The following CDH7 variants were observed in gnomAD, a reference collection of about 807,000 sequenced individuals.
CDH7 encodes the protein cadherin 7.
Under a neutral mutation model 71.8 loss-of-function variants are expected in CDH7, and 25 were observed. That is an observed-to-expected ratio of 0.35 (90% confidence interval 0.25 to 0.49). The LOEUF (loss-of-function observed/expected upper bound fraction) is 0.49. CDH7 is among the 20% of genes least tolerant of loss of function. The pLI is 0.99. For synonymous variants in CDH7, 381 were observed against 363.8 expected, an observed-to-expected ratio of 1.05 and a Z score of -0.54; for missense variants, 862 against 974.6, an observed-to-expected ratio of 0.88 and a Z score of 1.54.
chr18:65,885,791 T>A lies in CDH7; in HGVS notation c.*4897T>A, dbSNP rs764925415. ...TTGTTGTCACCTGCCAAGTGACTGTTAGGCAATAAGACTAGAAAATATGGT... is the reference window on the plus strand; with the variant it reads ...TTGTTGTCACCTGCCAAGTGACTGTAAGGCAATAAGACTAGAAAATATGGT... On this transcript the variant is annotated 3_prime_UTR_variant, in exon 12 of 12. Coordinates refer to ENST00000397968, the MANE Select transcript of CDH7 (RefSeq NM_004361.5). 6.6e-6 allele frequency: 1 copy of A among 152,208 alleles called. No homozygotes were observed. Among genetic ancestry groups the A allele is most frequent in the Non-Finnish European group, 1.5e-5 (1 of 68,028 alleles). The allele number at this position is 152,208 out of a possible 1,614,324, so 9.4% of individuals were successfully genotyped here. A position where few individuals can be genotyped will look rare whatever the true frequency, so the allele number is the denominator to read the frequency against.
chr18:65,848,949 T>G (rs1241982246), intron 7 of CDH7, among the ~76,000 whole-genome samples: 1 of 152,190 alleles, frequency 6.6e-6, no homozygotes, highest in African/African-American at 2.4e-5. Context: ...TTGGGGTGTT[T>G]GAATAATTCA....
intron 2 of CDH7, among the ~76,000 whole-genome samples, chr18:65,808,828 G>C (rs1911421004): frequency 6.6e-6 from 1 of 152,160 alleles, no homozygotes; most frequent in African/African-American, 2.4e-5. Context: ...CAGTTATAGG[G>C]GGTGAAAGAT....
chr18:65,798,267 T>A (rs1338627553), intron 2 of CDH7, among the ~76,000 whole-genome samples: 1 of 152,120 alleles, frequency 6.6e-6, no homozygotes, highest in Non-Finnish European at 1.5e-5. Context: ...AAGAAACGAG[T>A]GACACACTGC....
chr18:65,852,862 T>C (rs367891947), intron 7 of CDH7, among the ~76,000 whole-genome samples: 1 of 152,196 alleles, frequency 6.6e-6, no homozygotes, highest in South Asian at 2.1e-4. Flanking sequence ...AGGTAAACTA[T>C]ATTTTAAATA....
At chr18:65,816,558 A>G (rs1006950717) in intron 4 of CDH7, among the ~76,000 whole-genome samples, 8 of 152,174 alleles carry the variant, frequency 5.3e-5, no homozygotes, top group African/African-American at 1.9e-4. Context: ...AAATTGCATA[A>G]CCATAGGCAC....
intron 11 of CDH7, among the ~76,000 whole-genome samples, chr18:65,872,877 A>G (rs1030771485): frequency 6.6e-6 from 1 of 152,060 alleles, no homozygotes; most frequent in African/African-American, 2.4e-5. Flanking sequence ...AGAGTGAGAA[A>G]AATAAAATAA....
At chr18:65,854,058 A>G (rs1913259078) in intron 7 of CDH7, among the ~76,000 whole-genome samples, 1 of 150,398 alleles carries the variant, frequency 6.6e-6, no homozygotes, top group African/African-American at 2.4e-5. Flanking sequence ...TAATCCTAAC[A>G]CTTTGAGAGG....
intron 2 of CDH7, among the ~76,000 whole-genome samples, chr18:65,790,693 A>G (rs1910682521): frequency 6.6e-6 from 1 of 152,160 alleles, no homozygotes; most frequent in Admixed American, 6.5e-5. Context: ...ACATTGTGAA[A>G]TCCTGTCTTT....
rs1568182231 is a variant in CDH7, at chr18:65,782,039, TTC to T, written c.210+18988_210+18989del. On this transcript the variant is annotated intron_variant, in intron 2 of 11. Coordinates refer to ENST00000397968, the MANE Select transcript of CDH7 (RefSeq NM_004361.5). The stretch of plus-strand genomic sequence containing the variant: ...CTCTCTCTCTTTCTCCCTTCCTTCC[TTC>T]CTTCCTTCCTTCCTTCCTTCCTTTC... 6.9e-4 allele frequency among the ~76,000 whole-genome samples: 45 copies of T among 64,910 alleles called. 12 individuals are homozygous for T. The highest frequency in any genetic ancestry group is 0.018 in the Middle Eastern group (2 of 110). 42.6% of individuals were successfully genotyped at this position (64,910 alleles called of 152,430 possible). A position where few individuals can be genotyped will look rare whatever the true frequency, so the allele number is the denominator to read the frequency against.
At chr18:65,790,725 C>T (rs1910684051) in intron 2 of CDH7, among the ~76,000 whole-genome samples, 1 of 152,050 alleles carries the variant, frequency 6.6e-6, no homozygotes, top group African/African-American at 2.4e-5. Context: ...AAAAATTAGC[C>T]TGATGTGGTG....
intron 2 of CDH7, among the ~76,000 whole-genome samples, chr18:65,769,717 T>C (rs868580741): frequency 2.6e-5 from 4 of 152,242 alleles, no homozygotes; most frequent in Non-Finnish European, 5.9e-5. Flanking sequence ...TTCGTTGTCA[T>C]TCTTGACCCA....
In CDH7 at chr18:65,888,739, G is replaced by A. The variant is rs1914435460; in HGVS notation, c.*7845G>A. 1 of 77,796 alleles carries A rather than the reference G, an allele frequency of 1.3e-5. No homozygotes were observed. Among genetic ancestry groups the A allele is most frequent in the Admixed American group, 1.9e-4 (1 of 5,390 alleles). The allele number at this position is 77,796 out of a possible 1,614,324, so 4.8% of individuals were successfully genotyped here. A position where few individuals can be genotyped will look rare whatever the true frequency, so the allele number is the denominator to read the frequency against. On this transcript the variant is annotated 3_prime_UTR_variant, in exon 12 of 12. Coordinates refer to ENST00000397968, the MANE Select transcript of CDH7 (RefSeq NM_004361.5). ...GATGCCCAGAATAACTGTAACTTAT[G>A]CAAACACACACACACACACACACAC...
chr18:65,879,087 C>T (rs945428327), intron 11 of CDH7, among the ~76,000 whole-genome samples: 1 of 152,102 alleles, frequency 6.6e-6, no homozygotes, highest in African/African-American at 2.4e-5. Context: ...TTATTTAAAA[C>T]TAAATAAGTG....
At position 65,886,269 on chromosome 18, in the gene CDH7, T is replaced by C. The variant is rs995073686; in HGVS notation, c.*5375T>C. 6.6e-6 allele frequency: 1 copy of C among 152,158 alleles called. No individual in the cohort carries two copies. Among genetic ancestry groups the C allele is most frequent in the African/African-American group, 2.4e-5 (1 of 41,422 alleles). 9.4% of individuals were successfully genotyped at this position (152,158 alleles called of 1,614,324 possible). ...AAATAATGGGAATTATATAAAAAGGTTGATAATTGTTATATGGTAAACAGA... is the reference window on the plus strand; with the variant it reads ...AAATAATGGGAATTATATAAAAAGGCTGATAATTGTTATATGGTAAACAGA... On this transcript the variant is annotated 3_prime_UTR_variant, in exon 12 of 12. Transcript: ENST00000397968.
rs566593535 is a variant in CDH7 at position 65,872,330 on chromosome 18, A to G, written c.1865-8071A>G. Among the ~76,000 whole-genome samples, 6 of 152,326 alleles carry G rather than the reference A, an allele frequency of 3.9e-5. No individual in the cohort carries two copies. In the South Asian group the frequency reaches 1.0e-3, roughly 26 times the overall value. Reference sequence around the variant, plus strand: ...GCTCTGGTTTGAGAGCAGTCAGGATATAAGAAAGTGGAAATGTGGAGTAGG... The same window carrying G: ...GCTCTGGTTTGAGAGCAGTCAGGATGTAAGAAAGTGGAAATGTGGAGTAGG... On this transcript the variant is annotated intron_variant, in intron 11 of 11. Transcript: ENST00000397968.
At chr18:65,827,345 T>C (rs146288101) in intron 6 of CDH7, among the ~76,000 whole-genome samples, 7 of 151,998 alleles carry the variant, frequency 4.6e-5, no homozygotes, top group Non-Finnish European at 8.9e-5. Context: ...GTGAAAAATT[T>C]CATAATATTA....
chr18:65,796,299 TTG>T (rs1910911267), intron 2 of CDH7, among the ~76,000 whole-genome samples: 1 of 151,844 alleles, frequency 6.6e-6, no homozygotes, highest in Non-Finnish European at 1.5e-5. Context: ...AATAGACATT[TTG>T]AAATTATAGA....
intron 11 of CDH7, among the ~76,000 whole-genome samples, chr18:65,870,624 T>C (rs535878050): frequency 4.3e-4 from 65 of 152,144 alleles, no homozygotes; most frequent in African/African-American, 1.5e-3. Flanking sequence ...ATGCGTTTCT[T>C]CCCATTATTT....
At chr18:65,871,977 T>C (rs1913940049) in intron 11 of CDH7, among the ~76,000 whole-genome samples, 1 of 150,656 alleles carries the variant, frequency 6.6e-6, no homozygotes, top group Non-Finnish European at 1.5e-5. Context: ...CTAGGAAGAA[T>C]GTGGGGTGAA....
Sources: allele counts gnomAD v4.1 joint callset (sites outside exome capture counted in the v4.1 genomes callset), GRCh38; gene constraint gnomAD v4.1.1; transcripts MANE v1.5; gene names NCBI Gene and HGNC (gene_info 2026-07-23, HGNC 2026-07-21).